The following RELN variants were observed in gnomAD, a reference collection of about 807,000 sequenced individuals.
The protein encoded by RELN is reelin.
A neutral mutation model predicts 427.6 loss-of-function variants in RELN; 108 were observed. The ratio of observed to expected loss-of-function variants is 0.25; its 90% CI spans 0.22 to 0.30. The LOEUF (loss-of-function observed/expected upper bound fraction) is 0.30, where lower values mean the gene tolerates loss of function less well. Among genes scored for constraint, RELN ranks in the 10% least tolerant of loss-of-function variants. RELN has a pLI of 1.00. For missense variants in RELN, 3,715 were observed against 4,302.8 expected, an observed-to-expected ratio of 0.86 and a Z score of 3.82; for synonymous variants, 1,524 against 1,513.4, an observed-to-expected ratio of 1.01 and a Z score of -0.16.
chr7:103,608,839 G>C (rs1444810488), intron 22 of RELN, among the ~76,000 whole-genome samples: 1 of 152,142 alleles, frequency 6.6e-6, no homozygotes, highest in Non-Finnish European at 1.5e-5. Context: ...AGGCTTTTCT[G>C]ATAAGGACAA....
At chr7:103,525,050 C>A (rs549974095) in intron 46 of RELN, among the ~76,000 whole-genome samples, 1 of 152,174 alleles carries the variant, frequency 6.6e-6, no homozygotes, top group Admixed American at 6.5e-5. Flanking sequence ...CCTCAGGCGC[C>A]AAAGCACACC....
intron 20 of RELN, among the ~76,000 whole-genome samples, chr7:103,618,457 C>A (rs1160398168): frequency 6.6e-6 from 1 of 152,156 alleles, no homozygotes; most frequent in Non-Finnish European, 1.5e-5. Flanking sequence ...TGTATTTACC[C>A]AATACTTCAT....
chr7:103,932,185 A>T (rs751651650), intron 1 of RELN, among the ~76,000 whole-genome samples: 10 of 152,216 alleles, frequency 6.6e-5, no homozygotes, highest in Admixed American at 1.3e-4. Context: ...GTACATACAC[A>T]CCATGGAATA....
At chr7:103,839,803 A>C (rs1262355973) in intron 2 of RELN, among the ~76,000 whole-genome samples, 2 of 152,116 alleles carry the variant, frequency 1.3e-5, no homozygotes, top group South Asian at 2.1e-4. Context: ...TACGTTCTTC[A>C]TTTTACTAAT....
At chr7:103,970,481 T>C (rs1796741680) in intron 1 of RELN, among the ~76,000 whole-genome samples, 1 of 152,112 alleles carries the variant, frequency 6.6e-6, no homozygotes, top group South Asian at 2.1e-4. Flanking sequence ...TTTTTCTTTT[T>C]CTTTTTTTTT....
At position 103,566,783 on chromosome 7, in the gene RELN, G is replaced by C. The variant is rs114614718; in HGVS notation, c.4589-24C>G. 4.1e-3 allele frequency: 6,632 copies of C among 1,610,494 alleles called. 47 individuals are homozygous for C. Among genetic ancestry groups the C allele is most frequent in the African/African-American group, 0.03 (2,251 of 74,870 alleles). ...CCCTGAGTTAAAAGACATAAATCCA[G>C]TTATTTGGACACTTTCCTAGAGGGG... is the stretch of plus-strand genomic sequence containing the variant. On this transcript the variant is annotated intron_variant, in intron 31 of 64. Transcript: ENST00000428762.
At chr7:103,715,478 T>C (rs1036372731) in intron 8 of RELN, among the ~76,000 whole-genome samples, 5 of 152,220 alleles carry the variant, frequency 3.3e-5, no homozygotes, top group African/African-American at 1.2e-4. Context: ...TCTGGCTAAA[T>C]GTGACAGTGC....
chr7:103,856,947 T>C (rs935586584), intron 2 of RELN, among the ~76,000 whole-genome samples: 2 of 152,132 alleles, frequency 1.3e-5, no homozygotes, highest in African/African-American at 4.8e-5. Flanking sequence ...TAAGGTAAAC[T>C]CTGAAAGAAC....
Position 103,483,711 on chromosome 7 carries a change from C to T in RELN, c.10123G>A (p.Ala3375Thr), listed in dbSNP as rs759744782. ...GTGAAGTCCTTTGGCTGGTGCTGGG[C>T]GATGACATGCCAGGTGATCCCGTTG... ...VNNGITWHVI[A>T]QHQPKDFTQA... Residue 3375 changes from alanine (A) to threonine (T), a missense_variant, in exon 62 of 65, where the codon GCC becomes ACC. This residue lies in a region of RELN where 195 missense variants were observed against 281.3 expected (regional missense o/e 0.69). Transcript: ENST00000428762. The T allele has an allele frequency of 8.7e-6, 14 of 1,613,994 alleles. No individual in the cohort carries two copies. The highest frequency in any genetic ancestry group is 3.3e-5 in the South Asian group (3 of 91,080).
intron 4 of RELN, among the ~76,000 whole-genome samples, chr7:103,766,232 T>C (rs1412421056): frequency 6.6e-6 from 1 of 152,230 alleles, no homozygotes; most frequent in Non-Finnish European, 1.5e-5. Context: ...GAACAGGAGC[T>C]GTAACCACTA....
intron 58 of RELN, among the ~76,000 whole-genome samples, chr7:103,491,474 G>A (rs926536053): frequency 3.2e-4 from 49 of 152,044 alleles, no homozygotes; most frequent in African/African-American, 1.1e-3. Flanking sequence ...TAAGACATAT[G>A]TATACATTTT....
chr7:103,543,001 G>A (rs572926457), intron 42 of RELN, 123 bp from the exon 43 acceptor site: 21 of 1,053,016 alleles, frequency 2.0e-5, no homozygotes, highest in Non-Finnish European at 3.0e-5. Context: ...AAATATTAAA[G>A]TCATGTTTTA....
At chr7:103,980,198 T>G (rs1321290692) in intron 1 of RELN, among the ~76,000 whole-genome samples, 1 of 151,740 alleles carries the variant, frequency 6.6e-6, no homozygotes, top group African/African-American at 2.4e-5. Context: ...AATTATATTA[T>G]CAAAATATTA....
rs187707334 is a variant in RELN, at chr7:103,563,648, T to C, written c.5210+1630A>G. Among the ~76,000 whole-genome samples, 20 of 152,304 alleles carry C rather than the reference T, an allele frequency of 1.3e-4. No homozygotes were observed. Among genetic ancestry groups the C allele is most frequent in the Admixed American group, 1.0e-3 (16 of 15,288 alleles). On this transcript the variant is annotated intron_variant, in intron 34 of 64. Coordinates refer to ENST00000428762, the MANE Select transcript of RELN (RefSeq NM_005045.4). The surrounding 1 kb of genome is among the most constrained non-coding windows in gnomAD (Gnocchi z 4.1). ...TTATGAAATCTATAGTAGTGTACAG[T>C]AATATTCTAGGCCTTCACATTCACT...
intron 20 of RELN, among the ~76,000 whole-genome samples, chr7:103,617,592 T>C (rs1383566106): frequency 6.6e-6 from 1 of 150,388 alleles, no homozygotes; most frequent in Non-Finnish European, 1.5e-5. Context: ...TCCTTTCATA[T>C]ATATATATTC....
chr7:103,629,071 C>T (rs1832394269), intron 20 of RELN, among the ~76,000 whole-genome samples: 1 of 152,174 alleles, frequency 6.6e-6, no homozygotes, highest in Non-Finnish European at 1.5e-5. Flanking sequence ...ATTTCTCTTC[C>T]TCCAGATATT....
chr7:103,894,977 T>A (rs1302902662), intron 2 of RELN, among the ~76,000 whole-genome samples: 1 of 152,138 alleles, frequency 6.6e-6, no homozygotes, highest in Admixed American at 6.6e-5. Flanking sequence ...AATCTTTACA[T>A]AATGTGTATA....
intron 64 of RELN, among the ~76,000 whole-genome samples, chr7:103,477,293 T>C (rs1223866622): frequency 6.6e-6 from 1 of 152,226 alleles, no homozygotes; most frequent in Admixed American, 6.5e-5. Flanking sequence ...TTTATTATGA[T>C]GAAAACAATT....
chr7:103,936,420 A>G (rs1795986344), intron 1 of RELN, among the ~76,000 whole-genome samples: 1 of 152,000 alleles, frequency 6.6e-6, no homozygotes, highest in African/African-American at 2.4e-5. Flanking sequence ...TTCAGTGTTC[A>G]TTCTAGTGTG....
Sources: gnomAD v4.1 joint callset for allele counts (sites outside exome capture counted in the v4.1 genomes callset) on GRCh38, gnomAD v4.1.1 for gene constraint, gnomAD v4.1.1 regional missense constraint, Gnocchi (gnomAD v3.1) non-coding constraint, MANE v1.5 for transcripts, NCBI Gene and HGNC (gene_info 2026-07-23, HGNC 2026-07-21) for gene names.